Variants in RABGAP1L observed in about 807,000 individuals in gnomAD.
The protein encoded by RABGAP1L is rab GTPase-activating protein 1-like.
In RABGAP1L, 63 loss-of-function variants were observed where a neutral mutation model predicts 137.7. That is an observed-to-expected ratio of 0.46 (90% CI 0.37 to 0.56). The LOEUF is 0.56. Ranked by LOEUF, RABGAP1L falls within the 20% of genes least tolerant of loss-of-function variation. The pLI, the probability that RABGAP1L is intolerant of heterozygous loss-of-function variation, is 0.00. For missense variants in RABGAP1L, 1,095 were observed against 1,244.0 expected (o/e 0.88, Z 1.80); for synonymous variants, 431 against 433.7 (o/e 0.99, Z 0.08).
At chr1:174,768,881 C>G (rs535402824) in intron 18 of RABGAP1L, among the ~76,000 whole-genome samples, 1 of 152,168 alleles carries the variant, frequency 6.6e-6, no homozygotes, top group African/African-American at 2.4e-5. Flanking sequence ...TTGCTGCAGA[C>G]CTGTACAGAT....
intron 13 of RABGAP1L, among the ~76,000 whole-genome samples, chr1:174,495,886 G>A (rs1014458890): frequency 1.3e-5 from 2 of 152,072 alleles, no homozygotes; most frequent in Non-Finnish European, 2.9e-5. Context: ...CTAGGTCAAA[G>A]ACTTATTTTA....
At chr1:174,548,654 G>C (rs1198149556) in intron 13 of RABGAP1L, 1 of 791,722 alleles carries the variant, frequency 1.3e-6, no homozygotes, top group African/African-American at 1.9e-5. Context: ...TATTTGGCTA[G>C]GTTCCCCTCA....
At chr1:174,204,306 G>A (rs545078573) in intron 1 of RABGAP1L, among the ~76,000 whole-genome samples, 145 of 152,254 alleles carry the variant, frequency 9.5e-4, no homozygotes, top group African/African-American at 3.3e-3. Flanking sequence ...AGCTGAAGGA[G>A]CTTTTGGGCT....
intron 19 of RABGAP1L, among the ~76,000 whole-genome samples, chr1:174,819,612 G>C (rs764980537): frequency 2.0e-5 from 3 of 152,208 alleles, no homozygotes; most frequent in Non-Finnish European, 4.4e-5. Context: ...TTCTTGAACT[G>C]AGATTACAAG....
At position 174,699,572 on chromosome 1, in the gene RABGAP1L, C is replaced by T. The variant is rs1425902280; in HGVS notation, c.1947C>T (p.Asp649=). 1 of 1,611,678 alleles carries T rather than the reference C, an allele frequency of 6.2e-7. No homozygotes were observed. The highest frequency in any genetic ancestry group is 8.5e-7 in the Non-Finnish European group (1 of 1,177,918). Residue 649 remains aspartate, a synonymous_variant, in exon 16 of 26, where the codon GAC becomes GAT. Transcript: ENST00000681986. ...GTGTTTTGGTGAAAATCATGTACGA[C>T]TATGGTTTGAGAGACCTCTACAGAA... The part of the protein sequence containing the change: ...AFCVLVKIMY[D]YGLRDLYRNN...
intron 19 of RABGAP1L, among the ~76,000 whole-genome samples, chr1:174,878,536 CT>C (rs2149078128): frequency 6.6e-6 from 1 of 152,238 alleles, no homozygotes; most frequent in Non-Finnish European, 1.5e-5. Flanking sequence ...CCAAAATCAA[CT>C]TTTTAACTAC....
intron 18 of RABGAP1L, among the ~76,000 whole-genome samples, chr1:174,811,103 A>G (rs1456496666): frequency 6.6e-6 from 1 of 152,130 alleles, no homozygotes; most frequent in East Asian, 1.9e-4. Context: ...GTCTCAAAAA[A>G]AGTAAAAATA....
intron 17 of RABGAP1L, among the ~76,000 whole-genome samples, chr1:174,724,127 A>G (rs1276330565): frequency 6.6e-6 from 1 of 152,242 alleles, no homozygotes; most frequent in East Asian, 1.9e-4. Context: ...ATTGTCTAAC[A>G]GTGCTACATT....
intron 17 of RABGAP1L, among the ~76,000 whole-genome samples, chr1:174,735,253 G>A (rs1447747681): frequency 6.6e-6 from 1 of 151,626 alleles, no homozygotes; most frequent in Non-Finnish European, 1.5e-5. Flanking sequence ...TGGGATTACA[G>A]GCGTGAGCCA....
chr1:174,548,180 G>C (rs1666174161), intron 13 of RABGAP1L: 1 of 1,452,866 alleles, frequency 6.9e-7, no homozygotes, highest in Non-Finnish European at 9.0e-7. Context: ...CAACCTGTGT[G>C]CATAATCTCT....
chr1:174,213,488 C>T (rs947689168), intron 1 of RABGAP1L, among the ~76,000 whole-genome samples: 5 of 152,238 alleles, frequency 3.3e-5, no homozygotes, highest in African/African-American at 1.2e-4. Flanking sequence ...CTAATATTAC[C>T]CTCATACCCA....
chr1:174,706,238 A>G (rs1218939514), intron 17 of RABGAP1L, among the ~76,000 whole-genome samples: 1 of 152,204 alleles, frequency 6.6e-6, no homozygotes, highest in South Asian at 2.1e-4. Context: ...AGCCTGACTG[A>G]ACAACTGCTA....
At chr1:174,547,867 C>G (rs1666145812) in intron 13 of RABGAP1L, 9 of 1,540,902 alleles carry the variant, frequency 5.8e-6, no homozygotes, top group South Asian at 2.4e-5. Context: ...TACACCGAGA[C>G]AGACTATTCA....
intron 1 of RABGAP1L, among the ~76,000 whole-genome samples, chr1:174,208,916 T>C (rs1668680427): frequency 1.3e-5 from 2 of 152,206 alleles, no homozygotes; most frequent in South Asian, 4.1e-4. Flanking sequence ...ATTCAGTTTA[T>C]CAGCTTGGCC....
intron 19 of RABGAP1L, chr1:174,897,323 TGAG>T (rs1198372873): frequency 6.6e-6 from 1 of 152,234 alleles, no homozygotes. Context: ...CTTATTAGCT[TGAG>T]GAGATTTTGG....
At chr1:174,294,396 T>G (rs1676910241) in intron 10 of RABGAP1L, among the ~76,000 whole-genome samples, 1 of 152,172 alleles carries the variant, frequency 6.6e-6, no homozygotes. Flanking sequence ...TTGGTTAACT[T>G]CATAAATCTC....
intron 20 of RABGAP1L, among the ~76,000 whole-genome samples, chr1:174,962,324 T>G (rs1212697802): frequency 1.3e-5 from 2 of 152,050 alleles, no homozygotes; most frequent in Non-Finnish European, 2.9e-5. Context: ...CTCTTGGGTT[T>G]GGGACACAGA....
intron 7 of RABGAP1L, among the ~76,000 whole-genome samples, chr1:174,258,301 G>A (rs6682041): frequency 0.064 from 9,697 of 152,174 alleles, 1,010 homozygotes; most frequent in African/African-American, 0.22. Context: ...AATCTTTTTT[G>A]TTAGACTGGG....
At chr1:174,576,031 A>G (rs956577622) in intron 13 of RABGAP1L, among the ~76,000 whole-genome samples, 1 of 152,230 alleles carries the variant, frequency 6.6e-6, no homozygotes, top group Non-Finnish European at 1.5e-5. Flanking sequence ...AAGAATTTAC[A>G]GTATAGTGTG....
Sources: allele counts gnomAD v4.1 joint callset (sites outside exome capture counted in the v4.1 genomes callset), GRCh38; gene constraint gnomAD v4.1.1; transcripts MANE v1.5; gene names NCBI Gene and HGNC (gene_info 2026-07-23, HGNC 2026-07-21).